The following GFPT1 variants were observed in gnomAD, a reference collection of about 807,000 sequenced individuals.
GFPT1 encodes glutamine--fructose-6-phosphate aminotransferase [isomerizing] 1.
In GFPT1, 40 loss-of-function variants were observed where a neutral mutation model predicts 92.0. The observed-to-expected ratio is 0.43, with a 90% CI of 0.34 to 0.57. The LOEUF (loss-of-function observed/expected upper bound fraction) is 0.57, where lower values mean the gene tolerates loss of function less well. Ranked by LOEUF, GFPT1 falls within the 20% of genes least tolerant of loss-of-function variation. The pLI is 0.02. For synonymous variants in GFPT1, 269 were observed against 280.6 expected (o/e 0.96, Z 0.41); for missense variants, 448 against 869.1 (o/e 0.52, Z 6.09).
intron 9 of GFPT1, among the ~76,000 whole-genome samples, chr2:69,350,405 G>C (rs558626867): frequency 6.6e-6 from 1 of 152,034 alleles, no homozygotes; most frequent in African/African-American, 2.4e-5. Flanking sequence ...GTGCGTGGCA[G>C]GTAAAAGTGC....
At chr2:69,347,313 A>T (rs1671107534) in intron 11 of GFPT1, among the ~76,000 whole-genome samples, 1 of 151,812 alleles carries the variant, frequency 6.6e-6, no homozygotes, top group Non-Finnish European at 1.5e-5. Context: ...GGCCTCCCTA[A>T]GTGTTGAGAT....
At chr2:69,365,450 C>T (rs561190603) in intron 3 of GFPT1, among the ~76,000 whole-genome samples, 10 of 152,126 alleles carry the variant, frequency 6.6e-5, no homozygotes, top group Non-Finnish European at 1.0e-4. Flanking sequence ...CCAGCCTGGG[C>T]GAAAGAGCAA....
At chr2:69,365,528 T>C (rs1671590381) in intron 3 of GFPT1, among the ~76,000 whole-genome samples, 4 of 152,180 alleles carry the variant, frequency 2.6e-5, no homozygotes, top group Non-Finnish European at 4.4e-5. Flanking sequence ...TATTGTACTA[T>C]AACATTTATA....
intron 9 of GFPT1, among the ~76,000 whole-genome samples, chr2:69,353,783 GAACA>G (rs1179960881): frequency 6.6e-6 from 1 of 152,002 alleles, no homozygotes; most frequent in Non-Finnish European, 1.5e-5. Flanking sequence ...CAATATAAAA[GAACA>G]ATCACTACAA....
At chr2:69,359,358 A>T (rs1220290073) in intron 4 of GFPT1, 32 bp from the exon 5 acceptor site, 1 of 1,272,224 alleles carries the variant, frequency 7.9e-7, no homozygotes, top group South Asian at 1.2e-5. Flanking sequence ...AAGACAAAAA[A>T]GTTAGAAGTA....
chr2:69,349,980 A>T (rs1385428653), intron 10 of GFPT1, 98 bp downstream of exon 10: 5 of 829,100 alleles, frequency 6.0e-6, no homozygotes, highest in Non-Finnish European at 1.0e-5. Context: ...AAGTTATCTC[A>T]CAGAGCACAA....
chr2:69,343,480 G>A (rs748221517), intron 12 of GFPT1, among the ~76,000 whole-genome samples: 6 of 151,164 alleles, frequency 4.0e-5, no homozygotes, highest in Non-Finnish European at 4.4e-5. Flanking sequence ...GTGCAATCTC[G>A]GCTCACTGCA....
At chr2:69,355,127 G>A (rs980927079) in intron 7 of GFPT1, among the ~76,000 whole-genome samples, 3 of 152,196 alleles carry the variant, frequency 2.0e-5, no homozygotes, top group Non-Finnish European at 2.9e-5. Context: ...TCCCAGGCTA[G>A]AGTGCAGTGG....
intron 3 of GFPT1, among the ~76,000 whole-genome samples, chr2:69,363,948 C>T (rs528720184): frequency 6.6e-6 from 1 of 152,218 alleles, no homozygotes; most frequent in South Asian, 2.1e-4. Context: ...AACCCCATCT[C>T]TACTAAAAAT....
intron 1 of GFPT1, among the ~76,000 whole-genome samples, chr2:69,380,501 C>T (rs1249769723): frequency 6.6e-6 from 1 of 152,186 alleles, no homozygotes. Context: ...CTCCATGACA[C>T]GTCTCTTGCA....
At chr2:69,384,277 C>T (rs550700774) in intron 1 of GFPT1, among the ~76,000 whole-genome samples, 1 of 152,154 alleles carries the variant, frequency 6.6e-6, no homozygotes, top group East Asian at 1.9e-4. Flanking sequence ...GATCTTTTTT[C>T]CTAACACTTA....
At chr2:69,365,529 A>T (rs13385161) in intron 3 of GFPT1, among the ~76,000 whole-genome samples, 100,881 of 152,132 alleles carry the variant, frequency 0.66, 34,974 homozygotes, top group African/African-American at 0.88. Context: ...ATTGTACTAT[A>T]ACATTTATAT....
At chr2:69,342,321 T>C in intron 12 of GFPT1, 72 bp from the exon 13 acceptor site, 1 of 873,360 alleles carries the variant, frequency 1.1e-6, no homozygotes, top group Admixed American at 1.7e-5. Flanking sequence ...ATTTTGTGAG[T>C]ATCCACTGCC....
chr2:69,351,130 C>T (rs1221174183), intron 9 of GFPT1, among the ~76,000 whole-genome samples: 1 of 152,138 alleles, frequency 6.6e-6, no homozygotes, highest in Non-Finnish European at 1.5e-5. Flanking sequence ...AACCAAGAAA[C>T]TCTCCTTTCT....
chr2:69,348,115 T>G (rs982963356), intron 11 of GFPT1, 56 bp downstream of exon 11: 8 of 1,300,604 alleles, frequency 6.2e-6, no homozygotes, highest in Non-Finnish European at 9.0e-6. Context: ...GGAAAGGAAG[T>G]AGAATATATT....
In GFPT1 at chr2:69,356,895, G is replaced by A. The variant is rs192484925; in HGVS notation, c.544-338C>T. Among the ~76,000 whole-genome samples, 844 of 152,006 alleles carry A rather than the reference G, an allele frequency of 5.6e-3. 4 individuals carry two copies. The highest frequency in any genetic ancestry group is 8.0e-3 in the Non-Finnish European group (542 of 67,964). On this transcript the variant is annotated intron_variant, in intron 6 of 19. Transcript: ENST00000357308. ...TGGGATTACAGGCACGCACCCCCAC[G>A]CTAATTTTTGTATTTTTAATAGAGA... is the stretch of plus-strand genomic sequence containing the variant.
chr2:69,378,036 AAC>A (rs1456835297), intron 1 of GFPT1, among the ~76,000 whole-genome samples: 1 of 152,160 alleles, frequency 6.6e-6, no homozygotes, highest in Non-Finnish European at 1.5e-5. Flanking sequence ...GTTTTTTTGA[AAC>A]AGAGTCTCGC....
intron 9 of GFPT1, among the ~76,000 whole-genome samples, chr2:69,350,541 A>G (rs1671180480): frequency 6.6e-6 from 1 of 152,200 alleles, no homozygotes; most frequent in Non-Finnish European, 1.5e-5. Flanking sequence ...CAAAACAATG[A>G]TCTTAACACA....
Position 69,358,298 on chromosome 2 carries a change from C to T in GFPT1, c.543+31G>A, listed in dbSNP as rs750546580. 4 of 1,578,718 alleles carry T rather than the reference C, an allele frequency of 2.5e-6. No homozygotes were observed. In the South Asian group the frequency reaches 4.4e-5, roughly 17 times the overall value. ...GAAAGTTTCTCAGCATTAATGTTGG[C>T]ATAATTATCTTTAAAAATGTGGCTT... On this transcript the variant is annotated intron_variant, in intron 6 of 19. Transcript: ENST00000357308.
Sources: allele counts gnomAD v4.1 joint callset (sites outside exome capture counted in the v4.1 genomes callset), GRCh38; gene constraint gnomAD v4.1.1; transcripts MANE v1.5; gene names NCBI Gene and HGNC (gene_info 2026-07-23, HGNC 2026-07-21).